BMPR1B: variants seen among roughly 807,000 people sequenced by gnomAD.
The protein encoded by BMPR1B is bone morphogenetic protein receptor type 1B, also known as bone morphogenetic protein receptor type-1B.
In BMPR1B, 12 loss-of-function variants were observed where a neutral mutation model predicts 59.1. That is an observed-to-expected ratio of 0.20 (90% CI 0.13 to 0.33). The LOEUF is 0.33. Ranked by LOEUF, BMPR1B falls within the 10% of genes least tolerant of loss-of-function variation. The pLI, the probability that BMPR1B is intolerant of heterozygous loss-of-function variation, is 1.00. For synonymous variants in BMPR1B, 237 were observed against 207.3 expected, an observed-to-expected ratio of 1.14 and a Z score of -1.23; for missense variants, 550 against 610.9, an observed-to-expected ratio of 0.90 and a Z score of 1.05.
At chr4:95,043,836 A>T (rs1430336795) in intron 3 of BMPR1B, among the ~76,000 whole-genome samples, 1 of 152,214 alleles carries the variant, frequency 6.6e-6, no homozygotes, top group Non-Finnish European at 1.5e-5. Flanking sequence ...AGCCTGTATC[A>T]GAAGATATCA....
intron 2 of BMPR1B, among the ~76,000 whole-genome samples, chr4:94,881,962 G>A (rs7678784): frequency 0.62 from 94,075 of 151,956 alleles, 30,938 homozygotes; most frequent in African/African-American, 0.85. Flanking sequence ...TATGCACCTG[G>A]CTAAATTAAT....
chr4:95,046,158 C>T (rs1408414730), intron 3 of BMPR1B, among the ~76,000 whole-genome samples: 1 of 152,082 alleles, frequency 6.6e-6, no homozygotes, highest in African/African-American at 2.4e-5. Flanking sequence ...GCCCTCTTGC[C>T]TCACCCTCCC....
intron 1 of BMPR1B, among the ~76,000 whole-genome samples, chr4:94,763,240 G>A (rs1721845937): frequency 6.6e-6 from 1 of 152,192 alleles, no homozygotes; most frequent in Admixed American, 6.5e-5. Context: ...AGGTCTGAGT[G>A]TCATTTTCCT....
chr4:94,902,380 CTG>C lies in BMPR1B; in HGVS notation c.-113+26482_-113+26483del, dbSNP rs200855576. 6.4e-3 allele frequency among the ~76,000 whole-genome samples: 971 copies of C among 151,048 alleles called. 11 individuals are homozygous for C. The highest frequency in any genetic ancestry group is 0.023 in the African/African-American group (937 of 41,198). ...TTTGGCCCACAGAACACAATTGTGT[CTG>C]TTATATCTAGGCATTCACACATATT... On this transcript the variant is annotated intron_variant, in intron 2 of 12. Coordinates refer to ENST00000515059, the MANE Select transcript of BMPR1B (RefSeq NM_001203.3).
chr4:94,872,594 G>A (rs2148969119), intron 1 of BMPR1B, among the ~76,000 whole-genome samples: 1 of 152,146 alleles, frequency 6.6e-6, no homozygotes. Context: ...TATTATCAAA[G>A]AAAAATGCTG....
intron 2 of BMPR1B, among the ~76,000 whole-genome samples, chr4:94,913,651 G>A (rs181516541): frequency 1.3e-5 from 2 of 150,238 alleles, no homozygotes; most frequent in Admixed American, 6.6e-5. Context: ...AATTATCTCT[G>A]TGTGTGTGTG....
intron 1 of BMPR1B, among the ~76,000 whole-genome samples, chr4:94,863,400 T>A (rs1043291717): frequency 1.3e-5 from 2 of 152,138 alleles, no homozygotes; most frequent in African/African-American, 4.8e-5. Flanking sequence ...TGGAAATGGT[T>A]CTTGAGTATA....
chr4:94,891,057 A>G (rs979741855), intron 2 of BMPR1B, among the ~76,000 whole-genome samples: 9 of 152,038 alleles, frequency 5.9e-5, no homozygotes, highest in Non-Finnish European at 1.0e-4. Context: ...TATTGTTGCA[A>G]TTTTGTTGTC....
intron 2 of BMPR1B, among the ~76,000 whole-genome samples, chr4:94,907,514 A>G (rs1174902545): frequency 1.3e-5 from 2 of 151,984 alleles, no homozygotes; most frequent in African/African-American, 2.4e-5. Context: ...CTGTCTGTCC[A>G]AAGCTCCTCT....
chr4:95,120,263 A>G (rs2149285558), intron 6 of BMPR1B, among the ~76,000 whole-genome samples: 1 of 152,304 alleles, frequency 6.6e-6, no homozygotes, highest in East Asian at 1.9e-4. Context: ...TTTATCCAAC[A>G]CACCATTGAT....
At chr4:94,839,519 CTTCT>C (rs1417839894) in intron 1 of BMPR1B, among the ~76,000 whole-genome samples, 2 of 148,902 alleles carry the variant, frequency 1.3e-5, no homozygotes, top group East Asian at 3.9e-4. Flanking sequence ...ATGTAATGGC[CTTCT>C]TTGTCTTTTT....
At chr4:94,845,457 C>T (rs1275445000) in intron 1 of BMPR1B, among the ~76,000 whole-genome samples, 2 of 151,936 alleles carry the variant, frequency 1.3e-5, no homozygotes, top group African/African-American at 2.4e-5. Flanking sequence ...ATTCTCTTGC[C>T]TCAGCCTCCC....
intron 3 of BMPR1B, among the ~76,000 whole-genome samples, chr4:95,071,632 T>TTGTG (rs71912877): frequency 2.1e-4 from 25 of 118,200 alleles, no homozygotes; most frequent in South Asian, 5.3e-4. Flanking sequence ...ATATGTGTGT[T>TTGTG]TGTGTGTGTG....
At chr4:95,129,770 C>G (rs1367920464) in intron 8 of BMPR1B, 92 bp from the exon 9 acceptor site, 4 of 1,223,644 alleles carry the variant, frequency 3.3e-6, no homozygotes, top group Non-Finnish European at 4.7e-6. Flanking sequence ...ATATATTTTA[C>G]ATGCAGTAAT....
intron 1 of BMPR1B, among the ~76,000 whole-genome samples, chr4:94,822,884 T>C (rs1316619750): frequency 6.6e-6 from 1 of 152,194 alleles, no homozygotes; most frequent in East Asian, 1.9e-4. Context: ...TTTTCCACAC[T>C]GCATTGGTGA....
At chr4:94,890,746 C>T (rs1273931274) in intron 2 of BMPR1B, among the ~76,000 whole-genome samples, 3 of 152,012 alleles carry the variant, frequency 2.0e-5, no homozygotes, top group African/African-American at 7.2e-5. Context: ...TGAAGAGAGA[C>T]AGTGCATGCT....
chr4:94,804,903 T>A (rs1723549578), intron 1 of BMPR1B, among the ~76,000 whole-genome samples: 1 of 152,228 alleles, frequency 6.6e-6, no homozygotes, highest in Non-Finnish European at 1.5e-5. Flanking sequence ...CTCTTCTGCG[T>A]CAGCTTTCTG....
chr4:94,951,405 G>T (rs536562745), intron 2 of BMPR1B, among the ~76,000 whole-genome samples: 3 of 152,192 alleles, frequency 2.0e-5, no homozygotes, highest in African/African-American at 7.2e-5. Flanking sequence ...TATTGGCTGT[G>T]AGGTTGTCAC....
At chr4:95,139,114 T>A (rs1285216990) in intron 10 of BMPR1B, among the ~76,000 whole-genome samples, 2 of 152,196 alleles carry the variant, frequency 1.3e-5, no homozygotes, top group Non-Finnish European at 2.9e-5. Flanking sequence ...CCTTTCTGTT[T>A]GTTAGTTTTC....
Sources: allele counts gnomAD v4.1 joint callset (sites outside exome capture counted in the v4.1 genomes callset), GRCh38; gene constraint gnomAD v4.1.1; transcripts MANE v1.5; gene names NCBI Gene and HGNC (gene_info 2026-07-23, HGNC 2026-07-21).